Variants in SLC19A1 observed in about 807,000 individuals in gnomAD.
SLC19A1 encodes the protein reduced folate transporter.
SLC19A1 carries 37 observed loss-of-function variants against 35.3 expected under a neutral mutation model. That is an observed-to-expected ratio of 1.05 (90% confidence interval 0.81 to 1.38). SLC19A1 has a LOEUF of 1.38. Among genes scored for constraint, SLC19A1 ranks in the 40% most tolerant of loss-of-function variants. The pLI is 0.00. For missense variants in SLC19A1, 831 were observed against 826.9 expected (o/e 1.00, Z -0.06); for synonymous variants, 460 against 398.5 (o/e 1.15, Z -1.84).
intron 1 of SLC19A1, among the ~76,000 whole-genome samples, chr21:45,550,336 A>G (rs2078453052): frequency 6.6e-6 from 1 of 152,098 alleles, no homozygotes; most frequent in African/African-American, 2.4e-5. Context: ...TCCAGCCCCC[A>G]CAGACACCTC....
At chr21:45,505,667 C>T (rs1391418839) in intron 3 of SLC19A1, among the ~76,000 whole-genome samples, 2 of 152,182 alleles carry the variant, frequency 1.3e-5, no homozygotes, top group Non-Finnish European at 2.9e-5. Context: ...GGCGCAGGAG[C>T]TGGCGGCAGG....
In SLC19A1 at chr21:45,516,155, C is replaced by T. The variant is rs1347475535; in HGVS notation, c.1294-15G>A. The T allele has an allele frequency of 1.8e-5, 26 of 1,427,736 alleles. No individual in the cohort carries two copies. Among genetic ancestry groups the T allele is most frequent in the South Asian group, 8.2e-5 (7 of 85,850 alleles). 88.4% of individuals were successfully genotyped at this position (1,427,736 alleles called of 1,614,324 possible). A position where few individuals can be genotyped will look rare whatever the true frequency, so the allele number is the denominator to read the frequency against. On this transcript the variant is annotated splice_polypyrimidine_tract_variant and intron_variant, in intron 5 of 5. Coordinates refer to ENST00000311124, the MANE Select transcript of SLC19A1 (RefSeq NM_194255.4). ...TATAACTGGAACTGGAAAGAGAGGC[C>T]GGGTGAGGCGGGTGGGGAGGGCCTG...
chr21:45,512,032 AG>A (rs1379831223), downstream of SLC19A1, among the ~76,000 whole-genome samples: 3 of 152,130 alleles, frequency 2.0e-5, no homozygotes, highest in African/African-American at 7.2e-5. Context: ...GGCAGCCAGC[AG>A]GGAGGCCATG....
chr21:45,512,128 C>G (rs1261234957), downstream of SLC19A1: 17 of 1,544,290 alleles, frequency 1.1e-5, no homozygotes, highest in Non-Finnish European at 1.5e-5. Context: ...GCCCGGGGAG[C>G]GGCCTCTGCC....
downstream of SLC19A1, chr21:45,509,576 A>C (rs1293040942): frequency 2.0e-6 from 3 of 1,524,598 alleles, no homozygotes; most frequent in African/African-American, 2.8e-5. Flanking sequence ...CCACCCGCCC[A>C]CAGCCACCGC....
intron 3 of SLC19A1, chr21:45,507,487 G>A (rs1446786909): frequency 8.3e-5 from 38 of 458,314 alleles, no homozygotes; most frequent in South Asian, 1.9e-4. Flanking sequence ...CGGGAGAGTC[G>A]GGTGCTGGGC....
At chr21:45,542,148 C>T (rs2078328952) in intron 1 of SLC19A1, among the ~76,000 whole-genome samples, 1 of 134,246 alleles carries the variant, frequency 7.4e-6, no homozygotes, top group African/African-American at 2.8e-5. Context: ...GGCCCACGCC[C>T]CGCACCCTCC....
At chr21:45,541,398 G>C (rs970618268) in intron 1 of SLC19A1, among the ~76,000 whole-genome samples, 3 of 152,244 alleles carry the variant, frequency 2.0e-5, no homozygotes, top group Admixed American at 6.5e-5. Context: ...GTCTCCGTAG[G>C]GGGAGGCCAC....
downstream of SLC19A1, chr21:45,510,250 G>A (rs750065884): frequency 2.4e-5 from 39 of 1,604,586 alleles, no homozygotes; most frequent in Middle Eastern, 1.6e-4. Flanking sequence ...CGTGCCCATC[G>A]TCAACCTCAA....
Position 45,537,552 on chromosome 21 carries a change from C to T in SLC19A1, c.189+219G>A, listed in dbSNP as rs1464087307. Among the ~76,000 whole-genome samples, 687 of 144,332 alleles carry T rather than the reference C, an allele frequency of 4.8e-3. 6 individuals are homozygous for T. Among genetic ancestry groups the T allele is most frequent in the African/African-American group, 0.016 (629 of 38,854 alleles). The allele number at this position is 144,332 out of a possible 152,430, so 94.7% of individuals were successfully genotyped here. The stretch of plus-strand genomic sequence containing the variant: ...CCCCGCCCACCCACAGGCGGCCGCC[C>T]GGCACCCCGGCACCCACGTGCCTAT... On this transcript the variant is annotated intron_variant, in intron 2 of 5. Coordinates refer to ENST00000311124, the MANE Select transcript of SLC19A1 (RefSeq NM_194255.4).
rs187340050 is a variant in SLC19A1, at chr21:45,540,523, T to C, written c.-50+1845A>G. Among the ~76,000 whole-genome samples, 1 of 152,332 alleles carries C rather than the reference T, an allele frequency of 6.6e-6. No individual in the cohort carries two copies. The highest frequency in any genetic ancestry group is 1.9e-4 in the East Asian group (1 of 5,184). On this transcript the variant is annotated intron_variant, in intron 1 of 5. Coordinates refer to ENST00000311124, the MANE Select transcript of SLC19A1 (RefSeq NM_194255.4). This position sits in a 1 kb window ranked among gnomAD's most constrained non-coding sequence, Gnocchi z 5.5. ...GTCTCCGCCAGCAAGGGGCTGCTGC[T>C]GGTCTTAACAGTCAGCCTCTGCTGC...
chr21:45,531,688 C>A lies in SLC19A1; in HGVS notation c.650G>T (p.Arg217Leu), dbSNP rs762128319. 6.2e-7 allele frequency: 1 copy of A among 1,612,374 alleles called. No individual in the cohort carries two copies. Among genetic ancestry groups the A allele is most frequent in the Admixed American group, 1.7e-5 (1 of 59,962 alleles). ...CGAAGCCGAGGTTTCGCACCGCCCC[C>A]GGTCGTCGCGGTTGAAGAAGAGGCT... is the stretch of plus-strand genomic sequence containing the variant. Reference protein sequence around the residue: ...KRSLFFNRDDRGRCETSASEL... With the variant: ...KRSLFFNRDDLGRCETSASEL... The change falls in exon 3 of 6, where the codon CGG (arginine) becomes CTG (leucine). Residue 217 changes from arginine to leucine, a missense_variant. Physicochemically the swap from Arg to Leu is moderately radical, Grantham distance 102 (BLOSUM62 -2). Coordinates refer to ENST00000311124, the MANE Select transcript of SLC19A1 (RefSeq NM_194255.4).
At position 45,534,459 on chromosome 21, in the gene SLC19A1, A is replaced by C. The variant is rs1602852522; in HGVS notation, c.190-2311T>G. 1 of 1,147,776 alleles carries C rather than the reference A, an allele frequency of 8.7e-7. No homozygotes were observed. The highest frequency in any genetic ancestry group is 1.3e-6 in the Non-Finnish European group (1 of 799,292). 71.1% of individuals were successfully genotyped at this position (1,147,776 alleles called of 1,614,324 possible). On this transcript the variant is annotated intron_variant, in intron 2 of 5. Coordinates refer to ENST00000311124, the MANE Select transcript of SLC19A1 (RefSeq NM_194255.4). The surrounding 1 kb of genome is among the most constrained non-coding windows in gnomAD (Gnocchi z 4.2). ...CCACAGCCCAGAGTCAAAATGGTAG[A>C]CAGCCAGCAGAGAGGCTCTCCCCAG... is the stretch of plus-strand genomic sequence containing the variant.
At chr21:45,504,301 C>G (rs1389827381) in intron 3 of SLC19A1, 1 of 1,111,800 alleles carries the variant, frequency 9.0e-7, no homozygotes, top group Non-Finnish European at 1.3e-6. Flanking sequence ...CCAGCAGCTC[C>G]CAGGCCTGGG....
At position 45,555,094 on chromosome 21, in the gene SLC19A1, G is replaced by A. The variant is rs1260107088; in HGVS notation, c.-50+7648C>T. On this transcript the variant is annotated intron_variant, in intron 1 of 5. Transcript: ENST00000650808. Reference sequence around the variant, plus strand: ...GGGAGTGGCCACCAGGGGGCGAGCGGCGCCCGGAGCCTCCGCGGGTCCCAG... The same window carrying A: ...GGGAGTGGCCACCAGGGGGCGAGCGACGCCCGGAGCCTCCGCGGGTCCCAG... Among the ~76,000 whole-genome samples the A allele has an allele frequency of 2.7e-5, 4 of 148,664 alleles. No individual in the cohort carries two copies. In the East Asian group the frequency reaches 6.1e-4, roughly 23 times the overall value.
At chr21:45,520,993 C>G (rs2077420954) in intron 5 of SLC19A1, among the ~76,000 whole-genome samples, 1 of 149,744 alleles carries the variant, frequency 6.7e-6, no homozygotes, top group Non-Finnish European at 1.5e-5. Flanking sequence ...GCACTCCAGC[C>G]TGGGCAACAA....
At chr21:45,552,422 GC>G (rs2078474764) in intron 1 of SLC19A1, among the ~76,000 whole-genome samples, 1 of 152,050 alleles carries the variant, frequency 6.6e-6, no homozygotes, top group African/African-American at 2.4e-5. Flanking sequence ...GACATCGGTG[GC>G]TGTTGGGTCG....
chr21:45,552,575 C>A (rs902423289), intron 1 of SLC19A1, among the ~76,000 whole-genome samples: 1 of 152,196 alleles, frequency 6.6e-6, no homozygotes, highest in Non-Finnish European at 1.5e-5. Flanking sequence ...GGGATTAGCG[C>A]GTGCTATAAT....
downstream of SLC19A1, chr21:45,512,257 G>C (rs575466180): frequency 6.2e-7 from 1 of 1,611,966 alleles, no homozygotes; most frequent in South Asian, 1.1e-5. Flanking sequence ...ACTGTGAGAC[G>C]TGGCGGACGG....
Sources: gnomAD v4.1 joint callset for allele counts (sites outside exome capture counted in the v4.1 genomes callset) on GRCh38, gnomAD v4.1.1 for gene constraint, Gnocchi (gnomAD v3.1) non-coding constraint, MANE v1.5 for transcripts, NCBI Gene and HGNC (gene_info 2026-07-23, HGNC 2026-07-21) for gene names.